The following CRIPT variants were observed in gnomAD, a reference collection of about 807,000 sequenced individuals.
The protein encoded by CRIPT is cysteine-rich PDZ-binding protein.
In CRIPT, 20 loss-of-function variants were observed where a neutral mutation model predicts 16.6. That is an observed-to-expected ratio of 1.20 (90% CI 0.85 to 1.75). CRIPT has a LOEUF of 1.75. Among genes scored for constraint, CRIPT ranks in the 40% most tolerant of loss-of-function variants. The probability of loss-of-function intolerance (pLI) is 0.00; values close to 1 mark genes in which losing one functional copy is unlikely to be tolerated. For synonymous variants in CRIPT, 42 were observed against 37.0 expected (o/e 1.14, Z -0.49); for missense variants, 133 against 115.3 (o/e 1.15, Z -0.70).
intron 3 of CRIPT, among the ~76,000 whole-genome samples, chr2:46,620,333 G>C (rs984100107): frequency 2.0e-5 from 3 of 152,124 alleles, no homozygotes; most frequent in Non-Finnish European, 4.4e-5. Flanking sequence ...TGTAGTCCCA[G>C]CTACTCAGGA....
Position 46,624,181 on chromosome 2 carries a change from GA to G in CRIPT, c.266del (p.Lys89ArgfsTer42). 7 of 1,581,868 alleles carry G rather than the reference GA, an allele frequency of 4.4e-6. No individual in the cohort carries two copies. The highest frequency in any genetic ancestry group is 3.5e-5 in the Admixed American group (2 of 57,752). ...GTTTCAGGCATCTGTGCGATGTGTG[GA>G]AAAAAGGTTTTGGATACCAAAAACT... ...AYKKGICAMC[G>X]KKVLDTKNYK... On this transcript the variant is annotated frameshift_variant, in exon 5 of 5. Coordinates refer to ENST00000238892, the MANE Select transcript of CRIPT (RefSeq NM_014171.6). LOFTEE classifies it high-confidence loss of function.
intron 4 of CRIPT, 22 bp from the exon 5 acceptor site, chr2:46,624,141 C>T (rs371228071): frequency 2.0e-6 from 3 of 1,515,676 alleles, no homozygotes; most frequent in African/African-American, 2.8e-5. Flanking sequence ...TTTGATTGAT[C>T]ACATATCTTC....
intron 3 of CRIPT, among the ~76,000 whole-genome samples, chr2:46,622,909 G>C (rs144388238): frequency 2.5e-4 from 38 of 151,962 alleles, no homozygotes; most frequent in African/African-American, 8.7e-4. Context: ...TTCTAGGACG[G>C]TGTTTCGTAT....
chr2:46,618,871 C>T (rs1194503377), intron 2 of CRIPT, 33 bp downstream of exon 2: 6 of 1,279,266 alleles, frequency 4.7e-6, no homozygotes, highest in Non-Finnish European at 6.8e-6. Flanking sequence ...GGAATTTAAC[C>T]GAATACTTAC....
At chr2:46,620,072 T>G (rs911100199) in intron 3 of CRIPT, among the ~76,000 whole-genome samples, 5 of 152,216 alleles carry the variant, frequency 3.3e-5, no homozygotes, top group African/African-American at 9.7e-5. Flanking sequence ...GTGACCTTTC[T>G]AAACTTTACT....
rs1302818348 is a variant in CRIPT, at chr2:46,624,277, G to C, written c.*50G>C. 4.0e-6 allele frequency: 5 copies of C among 1,246,418 alleles called. No homozygotes were observed. In the East Asian group the frequency reaches 1.0e-4, roughly 25 times the overall value. 77.2% of individuals were successfully genotyped at this position (1,246,418 alleles called of 1,614,324 possible). The stretch of plus-strand genomic sequence containing the variant: ...TCTAAATGATTTTACTTTCTGCCTT[G>C]AATTTTCAAGGCATAGATGTCAACT... On this transcript the variant is annotated 3_prime_UTR_variant, in exon 5 of 5. Transcript: ENST00000238892.
intron 1 of CRIPT, 121 bp from the exon 2 acceptor site, chr2:46,618,652 C>A: frequency 1.9e-6 from 1 of 530,376 alleles, no homozygotes; most frequent in Non-Finnish European, 3.3e-6. Flanking sequence ...GCTCTCCCAG[C>A]ATTAACAGGC....
At chr2:46,618,503 A>G (rs977251803) in intron 1 of CRIPT, among the ~76,000 whole-genome samples, 21 of 152,206 alleles carry the variant, frequency 1.4e-4, no homozygotes, top group African/African-American at 4.8e-4. Flanking sequence ...ATATTTATGG[A>G]ACAAATAGAC....
intron 3 of CRIPT, among the ~76,000 whole-genome samples, chr2:46,621,361 G>T (rs1362803792): frequency 6.6e-6 from 1 of 152,154 alleles, no homozygotes; most frequent in African/African-American, 2.4e-5. Flanking sequence ...TGTACTTGCT[G>T]CTGTCTCCTA....
intron 1 of CRIPT, among the ~76,000 whole-genome samples, chr2:46,617,959 A>G (rs1670706492): frequency 6.6e-6 from 1 of 150,716 alleles, no homozygotes; most frequent in South Asian, 2.1e-4. Context: ...TGACCAAACA[A>G]AATACTCTTT....
chr2:46,623,660 A>G, intron 3 of CRIPT, 104 bp from the exon 4 acceptor site: 3 of 611,560 alleles, frequency 4.9e-6, no homozygotes, highest in African/African-American at 1.9e-5. Context: ...AGGTTGATGG[A>G]GGGATGGAGA....
Position 46,627,738 on chromosome 2 carries a change from C to T in CRIPT, c.*3511C>T, listed in dbSNP as rs1244418682. Among the ~76,000 whole-genome samples the T allele has an allele frequency of 6.6e-6, 1 of 152,174 alleles. No homozygotes were observed. The highest frequency in any genetic ancestry group is 1.5e-5 in the Non-Finnish European group (1 of 68,026). ...GGGATTACAGGCATGAGCCACTGCA[C>T]CCGGCCCCTTATATTTAAATCTTTA... On this transcript the variant is annotated 3_prime_UTR_variant, in exon 5 of 5. Transcript: ENST00000238892.
chr2:46,617,308 G>A lies in CRIPT; in HGVS notation c.16+10G>A, dbSNP rs1431779649. 6.4e-7 allele frequency: 1 copy of A among 1,554,684 alleles called. No homozygotes were observed. The highest frequency in any genetic ancestry group is 8.7e-7 in the Non-Finnish European group (1 of 1,148,170). Reference sequence around the variant, plus strand: ...ATGGTGTGCGAAAAATGTGAGTTAAGGGGCCGCTTCTGCGGGAGGAGGAGG... The same window carrying A: ...ATGGTGTGCGAAAAATGTGAGTTAAAGGGCCGCTTCTGCGGGAGGAGGAGG... On this transcript the variant is annotated intron_variant, in intron 1 of 4. Transcript: ENST00000238892.
intron 1 of CRIPT, among the ~76,000 whole-genome samples, chr2:46,617,827 C>T (rs949689949): frequency 6.6e-6 from 1 of 152,032 alleles, no homozygotes; most frequent in Non-Finnish European, 1.5e-5. Context: ...AATAAATTCT[C>T]AGTGTGCAGA....
Position 46,628,091 on chromosome 2 carries a change from G to A in CRIPT, c.*3864G>A, listed in dbSNP as rs1304763905. On this transcript the variant is annotated 3_prime_UTR_variant, in exon 5 of 5. Transcript: ENST00000238892. The stretch of plus-strand genomic sequence containing the variant: ...TAGGATTGATTTTTTGGTTCCATAT[G>A]AATTTTAGAATGGATTTTTTCTTTT... Among the ~76,000 whole-genome samples the A allele has an allele frequency of 6.7e-6, 1 of 150,276 alleles. No individual in the cohort carries two copies. Among genetic ancestry groups the A allele is most frequent in the Non-Finnish European group, 1.5e-5 (1 of 67,692 alleles).
At chr2:46,623,604 TATCAGAC>T (rs1167222475) in intron 3 of CRIPT, among the ~76,000 whole-genome samples, 153 bp from the exon 4 acceptor site, 1 of 152,192 alleles carries the variant, frequency 6.6e-6, no homozygotes, top group African/African-American at 2.4e-5. Flanking sequence ...TGTACAGGCA[TATCAGAC>T]AGTAGCCATC....
rs1000111389 is a variant in CRIPT, at chr2:46,626,998, A to G, written c.*2771A>G. Among the ~76,000 whole-genome samples, 5 of 152,056 alleles carry G rather than the reference A, an allele frequency of 3.3e-5. No homozygotes were observed. Among genetic ancestry groups the G allele is most frequent in the African/African-American group, 1.2e-4 (5 of 41,480 alleles). On this transcript the variant is annotated 3_prime_UTR_variant, in exon 5 of 5. Coordinates refer to ENST00000238892, the MANE Select transcript of CRIPT (RefSeq NM_014171.6). ...CAGGTGCCTGCCACCAAGCGTGGCT[A>G]ATTTTGGTACTTTTAGTAGAGACAG...
intron 4 of CRIPT, 124 bp from the exon 5 acceptor site, chr2:46,624,038 TA>T (rs1237755671): frequency 4.6e-5 from 18 of 391,078 alleles, no homozygotes; most frequent in Middle Eastern, 7.8e-4. Flanking sequence ...TATATATATA[TA>T]TATTTTTTTT....
chr2:46,617,442 A>C, intron 1 of CRIPT, 144 bp downstream of exon 1: 1 of 883,826 alleles, frequency 1.1e-6, no homozygotes, highest in Non-Finnish European at 1.7e-6. Context: ...CCCTTTGACC[A>C]TTTTTGCACC....
Sources: allele counts gnomAD v4.1 joint callset (sites outside exome capture counted in the v4.1 genomes callset), GRCh38; gene constraint gnomAD v4.1.1; transcripts MANE v1.5; gene names NCBI Gene and HGNC (gene_info 2026-07-23, HGNC 2026-07-21).